The following TSPAN9 variants were observed in gnomAD, a reference collection of about 807,000 sequenced individuals.
TSPAN9 encodes the protein tetraspanin-9.
In TSPAN9, 16 loss-of-function variants were observed where a neutral mutation model predicts 31.0. That is an observed-to-expected ratio of 0.52 (90% confidence interval 0.35 to 0.78). TSPAN9 has a LOEUF of 0.78. TSPAN9 is among the 30% of genes least tolerant of loss of function. TSPAN9 has a pLI of 0.01. For missense variants in TSPAN9, 272 were observed against 312.5 expected (o/e 0.87, Z 0.98); for synonymous variants, 145 against 121.6 (o/e 1.19, Z -1.27).
chr12:3,109,352 C>T (rs755661586), intron 2 of TSPAN9, among the ~76,000 whole-genome samples: 3 of 144,824 alleles, frequency 2.1e-5, no homozygotes, highest in Non-Finnish European at 4.5e-5. Flanking sequence ...TCTGTCTTTC[C>T]TGTGAACATT....
rs2098387861 is a variant in TSPAN9 at position 3,226,772 on chromosome 12, ATATATATATATATATATATATATTT to A, written c.63+25518_63+25542del. On this transcript the variant is annotated intron_variant, in intron 3 of 8. Transcript: ENST00000011898. ...TATATATATATATATATATATATATATATATATATATATATATATATATTTTTTTTTTTTTTTCCCTCTTCGAACT... is the reference window on the plus strand; with the variant it reads ...TATATATATATATATATATATATATATTTTTTTTTTTTCCCTCTTCGAACT... Among the ~76,000 whole-genome samples the A allele has an allele frequency of 3.6e-3, 6 of 1,644 alleles. 1 individual carries two copies. The highest frequency in any genetic ancestry group is 0.031 in the South Asian group (1 of 32). The allele number at this position is 1,644 out of a possible 152,430, so 1.1% of individuals were successfully genotyped here.
At chr12:3,117,080 A>G (rs1295015451) in intron 2 of TSPAN9, among the ~76,000 whole-genome samples, 1 of 152,222 alleles carries the variant, frequency 6.6e-6, no homozygotes, top group African/African-American at 2.4e-5. Flanking sequence ...GTAGTCGAGC[A>G]GGATAGATAG....
chr12:3,081,946 A>G (rs1438001039), intron 1 of TSPAN9, among the ~76,000 whole-genome samples: 1 of 151,394 alleles, frequency 6.6e-6, no homozygotes, highest in East Asian at 1.9e-4. Flanking sequence ...TCAGTGAGCC[A>G]TGATTGTGTC....
intron 2 of TSPAN9, among the ~76,000 whole-genome samples, chr12:3,110,211 G>T (rs955145680): frequency 6.6e-6 from 1 of 152,162 alleles, no homozygotes; most frequent in Non-Finnish European, 1.5e-5. Context: ...AGGGTGTTAG[G>T]TTTAAGTACA....
At chr12:3,103,490 G>A (rs143215730) in intron 2 of TSPAN9, among the ~76,000 whole-genome samples, 2,011 of 152,294 alleles carry the variant, frequency 0.013, 23 homozygotes, top group South Asian at 0.03. Flanking sequence ...CGGACTGGAC[G>A]TGCCCACCTG....
rs2098337679 is a variant in TSPAN9, at chr12:3,147,191, G to A, written c.-17-53986G>A. On this transcript the variant is annotated intron_variant, in intron 2 of 8. Coordinates refer to ENST00000011898, the MANE Select transcript of TSPAN9 (RefSeq NM_006675.5). The surrounding 1 kb of genome is among the most constrained non-coding windows in gnomAD (Gnocchi z 4.3). The stretch of plus-strand genomic sequence containing the variant: ...AGCAGGGGAGCCCTGGCCCTCTGCA[G>A]GTCACGCTCCAGCCTGGAACCCAGG... Among the ~76,000 whole-genome samples, 1 of 152,158 alleles carries A rather than the reference G, an allele frequency of 6.6e-6. No homozygotes were observed. Among genetic ancestry groups the A allele is most frequent in the Non-Finnish European group, 1.5e-5 (1 of 68,026 alleles).
At chr12:3,221,360 C>CTTTT (rs61424013) in intron 3 of TSPAN9, among the ~76,000 whole-genome samples, 1 of 141,312 alleles carries the variant, frequency 7.1e-6, no homozygotes, top group Non-Finnish European at 1.5e-5. Flanking sequence ...ATATTTTTCT[C>CTTTT]TTTTTTTTTT....
At chr12:3,220,818 G>C (rs2098384099) in intron 3 of TSPAN9, among the ~76,000 whole-genome samples, 1 of 152,084 alleles carries the variant, frequency 6.6e-6, no homozygotes, top group Non-Finnish European at 1.5e-5. Context: ...AAGGAGGGCT[G>C]TCATTTCTGG....
At chr12:3,158,373 G>T (rs1310003961) in intron 2 of TSPAN9, among the ~76,000 whole-genome samples, 1 of 152,194 alleles carries the variant, frequency 6.6e-6, no homozygotes, top group African/African-American at 2.4e-5. Flanking sequence ...TGTATAGTGT[G>T]CAAGGCTCTG....
rs980997046 is a variant in TSPAN9, at chr12:3,281,588, G to A, written c.565-146G>A. On this transcript the variant is annotated intron_variant, in intron 7 of 8. Coordinates refer to ENST00000011898, the MANE Select transcript of TSPAN9 (RefSeq NM_006675.5). ...GCCTTGCGGGTGGGGCGGAGGCTGC[G>A]CCAAGGGATGGGGACAGGGCTGAGG... The A allele has an allele frequency of 3.7e-5, 41 of 1,108,332 alleles. No individual in the cohort carries two copies. The Admixed American group carries it at 6.0e-4, about 16-fold the overall frequency. The allele number at this position is 1,108,332 out of a possible 1,614,324, so 68.7% of individuals were successfully genotyped here. A position where few individuals can be genotyped will look rare whatever the true frequency, so the allele number is the denominator to read the frequency against.
intron 3 of TSPAN9, among the ~76,000 whole-genome samples, chr12:3,213,200 G>A (rs973957908): frequency 6.6e-6 from 1 of 152,190 alleles, no homozygotes. Flanking sequence ...GACTGTGGCT[G>A]GGCGGGCAAC....
At chr12:3,085,539 C>G (rs114794539) in intron 2 of TSPAN9, among the ~76,000 whole-genome samples, 1 of 152,136 alleles carries the variant, frequency 6.6e-6, no homozygotes, top group Non-Finnish European at 1.5e-5. Flanking sequence ...TTGCATTTCT[C>G]GTCATGCTCT....
intron 3 of TSPAN9, among the ~76,000 whole-genome samples, chr12:3,262,395 A>C (rs1862466345): frequency 6.6e-6 from 1 of 150,738 alleles, no homozygotes; most frequent in Admixed American, 6.6e-5. Context: ...TCTGTTGAAT[A>C]AGCAAAAGCA....
intron 2 of TSPAN9, among the ~76,000 whole-genome samples, chr12:3,088,484 A>G (rs1039190332): frequency 2.6e-5 from 4 of 152,200 alleles, no homozygotes; most frequent in African/African-American, 4.8e-5. Context: ...GCTGTCACCC[A>G]TCATCCAGGC....
intron 3 of TSPAN9, among the ~76,000 whole-genome samples, chr12:3,209,584 C>T (rs190730794): frequency 1.6e-4 from 25 of 152,252 alleles, no homozygotes; most frequent in Admixed American, 1.4e-3. Flanking sequence ...ACACGTGACT[C>T]GCCTGACGAG....
rs768379979 is a variant in TSPAN9 at position 3,278,631 on chromosome 12, C to T, written c.255+19C>T. ...CCTCAGCGTAAGTTCTGTCCAAATC[C>T]CCAGCCCCTCCAACTCCTGATCTCC... is the stretch of plus-strand genomic sequence containing the variant. On this transcript the variant is annotated intron_variant, in intron 4 of 8. Transcript: ENST00000011898. 5 of 1,605,176 alleles carry T rather than the reference C, an allele frequency of 3.1e-6. No homozygotes were observed. The highest frequency in any genetic ancestry group is 3.4e-6 in the Non-Finnish European group (4 of 1,174,278).
intron 3 of TSPAN9, among the ~76,000 whole-genome samples, chr12:3,231,144 A>G (rs2098390539): frequency 6.6e-6 from 1 of 151,910 alleles, no homozygotes; most frequent in Non-Finnish European, 1.5e-5. Context: ...AATGCCATAC[A>G]TTCTTTCTTT....
Position 3,280,426 on chromosome 12 carries a change from G to C in TSPAN9, c.375G>C (p.Leu125=). The C allele has an allele frequency of 6.2e-7, 1 of 1,613,488 alleles. No homozygotes were observed. The highest frequency in any genetic ancestry group is 8.5e-7 in the Non-Finnish European group (1 of 1,180,026). The change falls in exon 6 of 9, where the codon CTG becomes CTC. Residue 125 remains leucine (L), a synonymous_variant. Coordinates refer to ENST00000011898, the MANE Select transcript of TSPAN9 (RefSeq NM_006675.5). This position sits in a 1 kb window ranked among gnomAD's most constrained non-coding sequence, Gnocchi z 4.5. ...AGGACCTGAAGGAAGGCCTGCTGCTGTACCACACCGAGAACAACGTGGGGC... is the reference window on the plus strand; with the variant it reads ...AGGACCTGAAGGAAGGCCTGCTGCTCTACCACACCGAGAACAACGTGGGGC... The part of the protein sequence containing the change: ...AKKDLKEGLL[L]YHTENNVGLK...
At chr12:3,226,769 TATATATATATATATATATA>T (rs2098387830) in intron 3 of TSPAN9, among the ~76,000 whole-genome samples, 4 of 3,678 alleles carry the variant, frequency 1.1e-3, no homozygotes, top group Non-Finnish European at 2.1e-3. Flanking sequence ...TATATATATA[TATATATATATATATATATA>T]TATATATTTT....
Sources: gnomAD v4.1 joint callset for allele counts (sites outside exome capture counted in the v4.1 genomes callset) on GRCh38, gnomAD v4.1.1 for gene constraint, Gnocchi (gnomAD v3.1) non-coding constraint, MANE v1.5 for transcripts, NCBI Gene and HGNC (gene_info 2026-07-23, HGNC 2026-07-21) for gene names.